GPC4: variants seen among roughly 807,000 people sequenced by gnomAD.
The protein encoded by GPC4 is glypican 4.
Under a neutral mutation model 35.0 loss-of-function variants are expected in GPC4, and 10 were observed. The observed-to-expected ratio is 0.29, with a 90% CI of 0.18 to 0.48. The LOEUF (loss-of-function observed/expected upper bound fraction) is 0.48, where lower values mean the gene tolerates loss of function less well. GPC4 is among the 20% of genes least tolerant of loss of function. The probability of loss-of-function intolerance (pLI) is 0.99; values close to 1 mark genes in which losing one functional copy is unlikely to be tolerated. For synonymous variants in GPC4, 167 were observed against 170.2 expected, an observed-to-expected ratio of 0.98 and a Z score of 0.15; for missense variants, 322 against 451.3, an observed-to-expected ratio of 0.71 and a Z score of 2.60.
At position 133,366,736 on chromosome X, in the gene GPC4, C is replaced by T. The variant is rs144120102; in HGVS notation, c.161-27395G>A. ...CGGTGAATTGAAAGGAAAACCCCAA[C>T]TTTCCACACCTAAGTAACAAAAGGA... On this transcript the variant is annotated intron_variant, in intron 1 of 8. Transcript: ENST00000370828. Among the ~76,000 whole-genome samples the T allele has an allele frequency of 6.3e-4, 70 of 111,000 alleles. 1 individual carries two copies. The East Asian group carries it at 0.015, about 24-fold the overall frequency.
Position 133,379,783 on chromosome X carries a change from A to G in GPC4, c.160+35023T>C, listed in dbSNP as rs768485092. Among the ~76,000 whole-genome samples, 11 of 111,491 alleles carry G rather than the reference A, an allele frequency of 9.9e-5. No individual in the cohort carries two copies. In the East Asian group the frequency reaches 3.1e-3, roughly 32 times the overall value. On this transcript the variant is annotated intron_variant, in intron 1 of 8. Transcript: ENST00000370828. Reference sequence around the variant, plus strand: ...GGCACATAGAAAGTGCTTAAGAAAGAGAAACAATTGGTCAGCCAAGAATAA... The same window carrying G: ...GGCACATAGAAAGTGCTTAAGAAAGGGAAACAATTGGTCAGCCAAGAATAA...
chrX:133,363,699 C>T (rs2068578456), intron 1 of GPC4, among the ~76,000 whole-genome samples: 1 of 111,144 alleles, frequency 9.0e-6, no homozygotes, highest in South Asian at 3.8e-4. Context: ...TTGTACAATA[C>T]ACTCATTTAA....
chrX:133,333,333 A>G (rs985722613), intron 2 of GPC4, among the ~76,000 whole-genome samples: 1 of 112,915 alleles, frequency 8.9e-6, no homozygotes, highest in Non-Finnish European at 1.9e-5. Flanking sequence ...TGCCTTCTGA[A>G]GAAGTCAAAG....
chrX:133,397,556 CA>C (rs111513469), intron 1 of GPC4, among the ~76,000 whole-genome samples: 96 of 95,433 alleles, frequency 1.0e-3, no homozygotes, highest in Admixed American at 1.0e-3. Flanking sequence ...GACCTTGTCT[CA>C]AAAAAAAAAA....
chrX:133,386,015 G>A (rs2068687527), intron 1 of GPC4, among the ~76,000 whole-genome samples: 1 of 108,396 alleles, frequency 9.2e-6, no homozygotes, highest in African/African-American at 3.3e-5. Context: ...GTAAGCACTG[G>A]AGTCCATTTT....
At chrX:133,342,384 G>C (rs2068471179) in intron 1 of GPC4, among the ~76,000 whole-genome samples, 1 of 111,367 alleles carries the variant, frequency 9.0e-6, no homozygotes, top group Admixed American at 9.5e-5. Context: ...TTTCATCTCA[G>C]AGAGATCTTT....
intron 1 of GPC4, among the ~76,000 whole-genome samples, chrX:133,371,993 G>A (rs1257017675): frequency 9.0e-6 from 1 of 110,636 alleles, no homozygotes; most frequent in Non-Finnish European, 1.9e-5. Flanking sequence ...CAGCACTTTA[G>A]GAGGCCGAGG....
chrX:133,323,405 C>T (rs1228401105), intron 3 of GPC4, among the ~76,000 whole-genome samples: 5 of 111,626 alleles, frequency 4.5e-5, no homozygotes, highest in South Asian at 3.8e-4. Context: ...GCTTGAGCCC[C>T]GGAGGTGGAG....
At chrX:133,385,718 G>T (rs2068686232) in intron 1 of GPC4, among the ~76,000 whole-genome samples, 1 of 111,744 alleles carries the variant, frequency 8.9e-6, no homozygotes. Flanking sequence ...CCCAGAACAG[G>T]CATTCCAATA....
At chrX:133,351,572 C>G (rs1428534693) in intron 1 of GPC4, among the ~76,000 whole-genome samples, 1 of 110,859 alleles carries the variant, frequency 9.0e-6, no homozygotes, top group Non-Finnish European at 1.9e-5. Flanking sequence ...ATAGACTCTA[C>G]CAGCTTGCCT....
chrX:133,363,276 T>C (rs2068576906), intron 1 of GPC4, among the ~76,000 whole-genome samples: 1 of 111,474 alleles, frequency 9.0e-6, no homozygotes, highest in African/African-American at 3.3e-5. Flanking sequence ...GCTCAAGTGA[T>C]CCACCTGCCT....
At position 133,414,737 on chromosome X, in the gene GPC4, G is replaced by A. The variant is rs992892529; in HGVS notation, c.160+69C>T. ...CGGCGCAGGGGGCGGCGGGGCGGGG[G>A]AAGGGAGTTGCAGCCTCCCTTCCCG... On this transcript the variant is annotated intron_variant, in intron 1 of 8. Transcript: ENST00000370828. The A allele has an allele frequency of 5.2e-6, 6 of 1,161,587 alleles. No individual in the cohort carries two copies. The East Asian group carries it at 1.5e-4, about 29-fold the overall frequency.
At chrX:133,355,218 AGAGTT>A (rs1387292756) in intron 1 of GPC4, among the ~76,000 whole-genome samples, 3 of 112,007 alleles carry the variant, frequency 2.7e-5, no homozygotes, top group Admixed American at 9.5e-5. Context: ...TTACTTGACT[AGAGTT>A]AAGTTCAGTC....
Position 133,414,928 on chromosome X carries a change from A to T in GPC4, c.38T>A (p.Leu13Gln), listed in dbSNP as rs138346302. 3.4e-4 allele frequency: 408 copies of T among 1,210,232 alleles called. No homozygotes were observed. The highest frequency in any genetic ancestry group is 4.2e-4 in the Non-Finnish European group (372 of 895,203). Residue 13 changes from leucine (L) to glutamine (Q), a missense_variant, in exon 1 of 9, where the codon CTG becomes CAG. Around this residue, in one of 3 missense-constraint regions of GPC4, gnomAD observed 60 missense variants for 64.1 expected, o/e 0.94. Transcript: ENST00000370828. ...CAGCAGCGCGGCGCTGAGCACTGCC[A>T]GGGTGCAGAGAAGCGCGGGCAAGCC... Reference protein sequence around the residue: ...RFGLPALLCTLAVLSAALLAA... With the variant: ...RFGLPALLCTQAVLSAALLAA...
chrX:133,413,458 C>T, intron 1 of GPC4, among the ~76,000 whole-genome samples: 1 of 112,123 alleles, frequency 8.9e-6, no homozygotes, highest in East Asian at 2.8e-4. Context: ...TTATTAATAG[C>T]CCTTCCAAAA....
At chrX:133,303,954 G>GAAGGAAGC (rs1315046942) in intron 7 of GPC4, among the ~76,000 whole-genome samples, 13 of 108,160 alleles carry the variant, frequency 1.2e-4, no homozygotes, top group African/African-American at 4.1e-4. Flanking sequence ...AGGAAGGAAG[G>GAAGGAAGC]AAGCTAGCTA....
intron 1 of GPC4, among the ~76,000 whole-genome samples, chrX:133,374,492 A>C (rs1252687234): frequency 1.8e-5 from 2 of 111,789 alleles, no homozygotes; most frequent in South Asian, 3.8e-4. Context: ...AAAATTTAAA[A>C]GTGTTAAATC....
intron 1 of GPC4, among the ~76,000 whole-genome samples, chrX:133,340,992 GA>G (rs769151724): frequency 1.9e-5 from 2 of 107,088 alleles, no homozygotes; most frequent in Non-Finnish European, 3.8e-5. Context: ...TCTACTAACA[GA>G]AAAAAAAGGG....
rs779957256 is a variant in GPC4, at chrX:133,407,055, G to A, written c.160+7751C>T. Among the ~76,000 whole-genome samples the A allele has an allele frequency of 4.2e-4, 40 of 94,713 alleles. No homozygotes were observed. The South Asian group carries it at 1.0e-2, about 24-fold the overall frequency. The allele number at this position is 94,713 out of a possible 115,157, so 82.2% of individuals were successfully genotyped here. On this transcript the variant is annotated intron_variant, in intron 1 of 8. Transcript: ENST00000370828. ...CACGCCATTGCACGCCAGCCTGGGT[G>A]ACAAGAGCAAGACTCCATCTCAAAA...
Sources: gnomAD v4.1 joint callset for allele counts (sites outside exome capture counted in the v4.1 genomes callset) on GRCh38, gnomAD v4.1.1 for gene constraint, gnomAD v4.1.1 regional missense constraint, MANE v1.5 for transcripts, NCBI Gene and HGNC (gene_info 2026-07-23, HGNC 2026-07-21) for gene names.